PCDHGB4: variants seen among roughly 807,000 people sequenced by gnomAD.
PCDHGB4 encodes the protein protocadherin gamma subfamily B, 4.
Under a neutral mutation model 60.5 loss-of-function variants are expected in PCDHGB4, and 38 were observed. The observed-to-expected ratio is 0.63, with a 90% CI of 0.48 to 0.82. The LOEUF (loss-of-function observed/expected upper bound fraction) is 0.82. Ranked by LOEUF, PCDHGB4 falls within the 40% of genes least tolerant of loss-of-function variation. The pLI, the probability that PCDHGB4 is intolerant of heterozygous loss-of-function variation, is 0.00. For missense variants in PCDHGB4, 1,109 were observed against 1,209.6 expected, an observed-to-expected ratio of 0.92 and a Z score of 1.23; for synonymous variants, 456 against 509.7, an observed-to-expected ratio of 0.89 and a Z score of 1.42.
At position 141,413,736 on chromosome 5, in the gene PCDHGB4, G is replaced by A. The variant is rs189162146; in HGVS notation, c.2397+23455G>A. The A allele has an allele frequency of 1.9e-4, 309 of 1,613,452 alleles. No individual in the cohort carries two copies. In the African/African-American group the frequency reaches 3.0e-3, roughly 16 times the overall value. On this transcript the variant is annotated intron_variant, in intron 1 of 3. Coordinates refer to ENST00000519479, the MANE Select transcript of PCDHGB4 (RefSeq NM_003736.4). Reference sequence around the variant, plus strand: ...ATAAGCACTTCTCCCTAAGAGTTCAGAGCCGTGCCAATGGCGTCAAGTACC... The same window carrying A: ...ATAAGCACTTCTCCCTAAGAGTTCAAAGCCGTGCCAATGGCGTCAAGTACC...
rs766779419 is a variant in PCDHGB4, at chr5:141,389,386, C to G, written c.1502C>G (p.Ser501Cys). Residue 501 changes from serine to cysteine, a missense_variant, in exon 1 of 4, where the codon TCC becomes TGC. Physicochemically the swap from Ser to Cys is moderately radical, Grantham distance 112 (BLOSUM62 -1). Transcript: ENST00000519479. ...GACCTGGAGCAGCGGGAGCTGTCAT[C>G]CTACGTGTCCATAAGCGCGGAGAGC... ...ASDLEQRELSSYVSISAESGV... is the reference protein window; with the variant it reads ...ASDLEQRELSCYVSISAESGV... The G allele has an allele frequency of 1.1e-5, 17 of 1,613,620 alleles. No homozygotes were observed. The highest frequency in any genetic ancestry group is 6.7e-5 in the African/African-American group (5 of 74,960).
chr5:141,420,229 C>A (rs1206296211), intron 1 of PCDHGB4: 1 of 1,600,344 alleles, frequency 6.2e-7, no homozygotes, highest in South Asian at 1.1e-5. Flanking sequence ...TACTGGCTAG[C>A]ATTTTAACTC....
rs139608956 is a variant in PCDHGB4, at chr5:141,510,637, A to G, written c.2546-310A>G. Among the ~76,000 whole-genome samples, 4 of 152,242 alleles carry G rather than the reference A, an allele frequency of 2.6e-5. No individual in the cohort carries two copies. The East Asian group carries it at 7.7e-4, about 29-fold the overall frequency. ...ACTAAAACCAGAAGAGGTGGTTACC[A>G]TTATCATCCCCATTTTGCAGATGAG... On this transcript the variant is annotated intron_variant, in intron 3 of 3. Transcript: ENST00000519479.
chr5:141,460,091 A>G (rs2098981847), intron 1 of PCDHGB4, among the ~76,000 whole-genome samples: 1 of 152,002 alleles, frequency 6.6e-6, no homozygotes, highest in Non-Finnish European at 1.5e-5. Flanking sequence ...AATAATAATT[A>G]TACATGTAAT....
Position 141,491,170 on chromosome 5 carries a change from G to A in PCDHGB4, c.2398-3637G>A. The stretch of plus-strand genomic sequence containing the variant: ...GGAGGATGACTCTGACACCCAGCAG[G>A]TGGTGGTCCTGGTGAGGGACAATGG... On this transcript the variant is annotated intron_variant, in intron 1 of 3. Coordinates refer to ENST00000519479, the MANE Select transcript of PCDHGB4 (RefSeq NM_003736.4). The surrounding 1 kb of genome is among the most constrained non-coding windows in gnomAD (Gnocchi z 6.9). 6.2e-7 allele frequency: 1 copy of A among 1,614,176 alleles called. No individual in the cohort carries two copies. Among genetic ancestry groups the A allele is most frequent in the Non-Finnish European group, 8.5e-7 (1 of 1,179,996 alleles).
At position 141,490,357 on chromosome 5, in the gene PCDHGB4, A is replaced by G; in HGVS notation, c.2398-4450A>G. ...AGTGGGCACAGTAGTGGGGTTGTTT[A>G]ATGTGCGAGACCGGGACTCAGGTAG... On this transcript the variant is annotated intron_variant, in intron 1 of 3. Transcript: ENST00000519479. This position sits in a 1 kb window ranked among gnomAD's most constrained non-coding sequence, Gnocchi z 5.4. The G allele has an allele frequency of 6.2e-7, 1 of 1,614,178 alleles. No individual in the cohort carries two copies. The highest frequency in any genetic ancestry group is 8.5e-7 in the Non-Finnish European group (1 of 1,180,030).
At chr5:141,478,159 T>C (rs1456465606) in intron 1 of PCDHGB4, 2 of 1,614,064 alleles carry the variant, frequency 1.2e-6, no homozygotes, top group Admixed American at 1.7e-5. Flanking sequence ...CCTCTGGCTC[T>C]GCCCCCCGGG....
intron 2 of PCDHGB4, among the ~76,000 whole-genome samples, chr5:141,495,440 A>G (rs2099761377): frequency 6.6e-6 from 1 of 151,898 alleles, no homozygotes; most frequent in African/African-American, 2.4e-5. Context: ...CTCTGCCCCT[A>G]CTTGTCCTGC....
At chr5:141,400,032 C>T (rs770927016) in intron 1 of PCDHGB4, 1 of 1,613,282 alleles carries the variant, frequency 6.2e-7, no homozygotes, top group Admixed American at 1.7e-5. Flanking sequence ...ACGCGGCCCG[C>T]CAGCGCCTGC....
intron 1 of PCDHGB4, among the ~76,000 whole-genome samples, chr5:141,488,238 C>G (rs374846692): frequency 6.6e-6 from 1 of 152,154 alleles, no homozygotes; most frequent in African/African-American, 2.4e-5. Context: ...GAACTAGATG[C>G]GGTAAATTGG....
intron 1 of PCDHGB4, among the ~76,000 whole-genome samples, chr5:141,465,205 G>A (rs1460694369): frequency 6.6e-6 from 1 of 151,892 alleles, no homozygotes; most frequent in Admixed American, 6.6e-5. Flanking sequence ...AAAAATATAA[G>A]CTTTATTTTT....
At chr5:141,510,321 CA>C (rs1376271166) in intron 3 of PCDHGB4, among the ~76,000 whole-genome samples, 1 of 150,840 alleles carries the variant, frequency 6.6e-6, no homozygotes, top group Non-Finnish European at 1.5e-5. Context: ...CTTGGAAGAG[CA>C]CTCTTCACCC....
chr5:141,430,919 C>T, intron 1 of PCDHGB4: 1 of 1,607,610 alleles, frequency 6.2e-7, no homozygotes, highest in Non-Finnish European at 8.5e-7. Context: ...GGACCTGGGG[C>T]TGGAGCCCCG....
In PCDHGB4 at chr5:141,428,992, C is replaced by A. The variant is rs986416866; in HGVS notation, c.2397+38711C>A. The A allele has an allele frequency of 1.3e-4, 20 of 152,092 alleles. 1 individual carries two copies. Among genetic ancestry groups the A allele is most frequent in the Admixed American group, 1.2e-3 (18 of 15,248 alleles). 9.4% of individuals were successfully genotyped at this position (152,092 alleles called of 1,614,324 possible). On this transcript the variant is annotated intron_variant, in intron 1 of 3. Transcript: ENST00000519479. Reference sequence around the variant, plus strand: ...GCCTCAGCCTCCCGGGTAGCTGGGACTACAGGCGCCCGCCACCACGCCCGG... The same window carrying A: ...GCCTCAGCCTCCCGGGTAGCTGGGAATACAGGCGCCCGCCACCACGCCCGG...
At chr5:141,497,050 G>T (rs113054804) in intron 2 of PCDHGB4, among the ~76,000 whole-genome samples, 5,544 of 152,084 alleles carry the variant, frequency 0.036, 137 homozygotes, top group South Asian at 0.074. Context: ...TTAGCCAGGC[G>T]TGGTGGCAGG....
rs770679519 is a variant in PCDHGB4 at position 141,390,138 on chromosome 5, CTA to C, written c.2256_2257del (p.Val754CysfsTer9). ...SEGTLPYSYN[L>X]CVAHTGKTEF... ...GGGGACTTTGCCTTATTCCTACAAT[CTA>C]TGTGTTGCACATACAGGAAAGACGG... On this transcript the variant is annotated frameshift_variant, in exon 1 of 4. Coordinates refer to ENST00000519479, the MANE Select transcript of PCDHGB4 (RefSeq NM_003736.4). LOFTEE classifies it high-confidence loss of function. 6 of 1,613,938 alleles carry C rather than the reference CTA, an allele frequency of 3.7e-6. No homozygotes were observed. The highest frequency in any genetic ancestry group is 5.1e-6 in the Non-Finnish European group (6 of 1,179,906).
chr5:141,442,981 C>T (rs2098357132), intron 1 of PCDHGB4, among the ~76,000 whole-genome samples: 1 of 152,142 alleles, frequency 6.6e-6, no homozygotes, highest in African/African-American at 2.4e-5. Flanking sequence ...ATAAAGTTAG[C>T]CTATAATTTC....
intron 1 of PCDHGB4, among the ~76,000 whole-genome samples, chr5:141,492,893 C>T (rs936521362): frequency 2.0e-5 from 3 of 152,178 alleles, no homozygotes; most frequent in Admixed American, 6.5e-5. Flanking sequence ...AGGCTTTTGG[C>T]GCCGTCGTGA....
chr5:141,404,551 G>C (rs764332245), intron 1 of PCDHGB4: 1 of 1,613,866 alleles, frequency 6.2e-7, no homozygotes, highest in Non-Finnish European at 8.5e-7. Flanking sequence ...TGCAGGTGAC[G>C]GCAAGTGACA....
Sources: allele counts gnomAD v4.1 joint callset (sites outside exome capture counted in the v4.1 genomes callset), GRCh38; gene constraint gnomAD v4.1.1; non-coding constraint Gnocchi (gnomAD v3.1); transcripts MANE v1.5; gene names NCBI Gene and HGNC (gene_info 2026-07-23, HGNC 2026-07-21).